Variants in MYO18B observed in about 807,000 individuals in gnomAD.
The protein encoded by MYO18B is myosin XVIIIB.
In MYO18B, 204 loss-of-function variants were observed where a neutral mutation model predicts 273.0. The ratio of observed to expected loss-of-function variants is 0.75; its 90% CI spans 0.67 to 0.84. The LOEUF (loss-of-function observed/expected upper bound fraction) is 0.84, where lower values mean the gene tolerates loss of function less well. Among genes scored for constraint, MYO18B ranks in the 40% least tolerant of loss-of-function variants. MYO18B has a pLI of 0.00. For synonymous variants in MYO18B, 1,330 were observed against 1,305.7 expected (o/e 1.02, Z -0.40); for missense variants, 3,212 against 3,287.6 (o/e 0.98, Z 0.56).
intron 31 of MYO18B, among the ~76,000 whole-genome samples, chr22:25,906,696 C>T (rs2092051354): frequency 6.6e-6 from 1 of 152,120 alleles, no homozygotes. Context: ...GTTTAATTGA[C>T]TCACAGTTCC....
At chr22:25,931,364 G>A (rs1050939355) in intron 34 of MYO18B, among the ~76,000 whole-genome samples, 1 of 152,230 alleles carries the variant, frequency 6.6e-6, no homozygotes, top group African/African-American at 2.4e-5. Context: ...TTACCATTTA[G>A]TCATGGAGGG....
intron 1 of MYO18B, among the ~76,000 whole-genome samples, chr22:25,753,088 C>G (rs2085987355): frequency 7.4e-6 from 1 of 135,338 alleles, no homozygotes; most frequent in Non-Finnish European, 1.6e-5. Flanking sequence ...CCCCCCACCA[C>G]TGGTTAGGAT....
At chr22:25,869,616 T>C (rs1275781057) in intron 22 of MYO18B, among the ~76,000 whole-genome samples, 2 of 152,172 alleles carry the variant, frequency 1.3e-5, no homozygotes, top group Non-Finnish European at 2.9e-5. Flanking sequence ...TCAATGGCCT[T>C]CCACCTCCAG....
At chr22:25,827,642 C>T (rs896465739) in intron 14 of MYO18B, among the ~76,000 whole-genome samples, 25 of 152,164 alleles carry the variant, frequency 1.6e-4, no homozygotes, top group East Asian at 1.2e-3. Context: ...TCCAAGTTGT[C>T]GTGGACACAG....
At chr22:25,804,007 CACAT>C (rs2088343385) in intron 12 of MYO18B, among the ~76,000 whole-genome samples, 1 of 148,432 alleles carries the variant, frequency 6.7e-6, no homozygotes, top group Non-Finnish European at 1.5e-5. Context: ...CACACACACA[CACAT>C]ATTTTATAGA....
chr22:25,776,610 A>G (rs1194510556), intron 7 of MYO18B, among the ~76,000 whole-genome samples: 1 of 149,198 alleles, frequency 6.7e-6, no homozygotes, highest in Non-Finnish European at 1.5e-5. Flanking sequence ...AACAAAAAAC[A>G]AAAACAAAAA....
At chr22:26,043,660 G>A in the MYO18B span, among the ~76,000 whole-genome samples, 10 of 151,610 alleles carry the variant, frequency 6.6e-5, no homozygotes, top group South Asian at 2.1e-4. Flanking sequence ...ACAGGCGTGC[G>A]CCACCACGTC....
chr22:25,838,461 A>C (rs2145968103), intron 17 of MYO18B, among the ~76,000 whole-genome samples: 1 of 152,276 alleles, frequency 6.6e-6, no homozygotes, highest in South Asian at 2.1e-4. Context: ...CGGCCTCCCA[A>C]AGTGCTAGGA....
intron 16 of MYO18B, among the ~76,000 whole-genome samples, chr22:25,833,799 G>T (rs956366296): frequency 6.6e-6 from 1 of 152,098 alleles, no homozygotes. Context: ...CACAGGAGGT[G>T]CCCTGCCGGT....
chr22:25,763,516 TATTCAACTTGA>T, intron 3 of MYO18B, 127 bp downstream of exon 3: 3 of 1,133,864 alleles, frequency 2.6e-6, no homozygotes, highest in Non-Finnish European at 3.7e-6. Context: ...GAATGTCCTT[TATTCAACTTGA>T]TCTATTGAGC....
At chr22:26,037,403 G>T in the MYO18B span, among the ~76,000 whole-genome samples, 2 of 152,202 alleles carry the variant, frequency 1.3e-5, no homozygotes, top group Admixed American at 6.5e-5. Flanking sequence ...AAGGCCAAGT[G>T]ACTGGCCTGA....
chr22:25,841,134 A>G (rs2090070289), intron 17 of MYO18B, among the ~76,000 whole-genome samples: 1 of 151,980 alleles, frequency 6.6e-6, no homozygotes, highest in Admixed American at 6.6e-5. Context: ...ACTGGGATCA[A>G]CTCTCATGGA....
At chr22:25,928,820 C>T (rs2092457662) in intron 34 of MYO18B, among the ~76,000 whole-genome samples, 1 of 152,068 alleles carries the variant, frequency 6.6e-6, no homozygotes, top group Non-Finnish European at 1.5e-5. Context: ...ATATAAAGAA[C>T]ACTGGACCAT....
rs1034476143 is a variant in MYO18B at position 25,992,368 on chromosome 22, G to A, written c.6162G>A (p.Lys2054=). 1.4e-5 allele frequency: 23 copies of A among 1,613,964 alleles called. No homozygotes were observed. The highest frequency in any genetic ancestry group is 1.9e-5 in the Non-Finnish European group (22 of 1,179,836). The change falls in exon 40 of 44, where the codon AAG becomes AAA. Residue 2054 remains lysine (K), a synonymous_variant. Transcript: ENST00000335473. ...EASRRCMELE[K]YVEELAAVRQ... ...TTTGCATCTTCTGTCCCCAGGAGAA[G>A]TACGTGGAGGAACTTGCAGCAGTGA...
chr22:25,877,975 TA>T lies in MYO18B; in HGVS notation c.4243del (p.Arg1415AspfsTer4). ...TTTTTGTAGGAGGAGCTTACAACGC[TA>T]AGACGGAAGCTAGAAAAATCAGAGA... Reference protein sequence around the residue: ...LRAKEEELTTLRRKLEKSEKL... With the variant: ...LRAKEEELTTXRRKLEKSEKL... On this transcript the variant is annotated frameshift_variant, in exon 25 of 44. Coordinates refer to ENST00000335473, the MANE Select transcript of MYO18B (RefSeq NM_032608.7). LOFTEE classifies it high-confidence loss of function. The T allele has an allele frequency of 6.3e-7, 1 of 1,577,448 alleles. No individual in the cohort carries two copies. The highest frequency in any genetic ancestry group is 8.6e-7 in the Non-Finnish European group (1 of 1,161,050).
intron 12 of MYO18B, among the ~76,000 whole-genome samples, chr22:25,815,591 T>G (rs915604593): frequency 3.3e-5 from 5 of 152,332 alleles, no homozygotes; most frequent in Admixed American, 6.5e-5. Flanking sequence ...GAAATTATCT[T>G]TGGACAATCA....
chr22:26,027,180 G>A lies in MYO18B; in HGVS notation c.7206G>A (p.Glu2402=). Reference sequence around the variant, plus strand: ...CGGGCTGTCCAGACCTTGGAAAGGAGCCGCTTGTTTTCCAGAACCGCCAGT... The same window carrying A: ...CGGGCTGTCCAGACCTTGGAAAGGAACCGCTTGTTTTCCAGAACCGCCAGT... ...DDAGCPDLGK[E]PLVFQNRQFA... The change falls in exon 43 of 44, where the codon GAG becomes GAA. Residue 2402 remains glutamate (E), a synonymous_variant. Coordinates refer to ENST00000335473, the MANE Select transcript of MYO18B (RefSeq NM_032608.7). This position sits in a 1 kb window ranked among gnomAD's most constrained non-coding sequence, Gnocchi z 4.1. The A allele has an allele frequency of 6.2e-7, 1 of 1,613,984 alleles. No homozygotes were observed.
intron 42 of MYO18B, among the ~76,000 whole-genome samples, chr22:26,021,897 G>A (rs1935850047): frequency 6.6e-6 from 1 of 152,130 alleles, no homozygotes; most frequent in Non-Finnish European, 1.5e-5. Context: ...ATCTAGTCAG[G>A]GGTAGCTGTT....
intron 25 of MYO18B, among the ~76,000 whole-genome samples, chr22:25,881,491 A>G (rs960850533): frequency 1.1e-4 from 17 of 152,166 alleles, no homozygotes; most frequent in Non-Finnish European, 2.4e-4. Flanking sequence ...AAAATTGGAG[A>G]GCTGTGGGCT....
Sources: gnomAD v4.1 joint callset for allele counts (sites outside exome capture counted in the v4.1 genomes callset) on GRCh38, gnomAD v4.1.1 for gene constraint, Gnocchi (gnomAD v3.1) non-coding constraint, MANE v1.5 for transcripts, NCBI Gene and HGNC (gene_info 2026-07-23, HGNC 2026-07-21) for gene names.